Variants in MNAT1 observed in about 807,000 individuals in gnomAD.
The protein encoded by MNAT1 is MNAT1 component of CDK activating kinase, also known as CDK-activating kinase assembly factor MAT1.
MNAT1 carries 43 observed loss-of-function variants against 42.0 expected under a neutral mutation model. The ratio of observed to expected loss-of-function variants is 1.02; its 90% confidence interval spans 0.80 to 1.32. MNAT1 has a LOEUF of 1.32. MNAT1 is among the 40% of genes most tolerant of loss of function. MNAT1 has a pLI of 0.00. For synonymous variants in MNAT1, 118 were observed against 120.0 expected (o/e 0.98, Z 0.11); for missense variants, 306 against 350.4 (o/e 0.87, Z 1.01).
chr14:60,798,306 A>C (rs1184925602), intron 3 of MNAT1, 146 bp downstream of exon 3: 9 of 505,592 alleles, frequency 1.8e-5, no homozygotes, highest in Non-Finnish European at 3.3e-5. Flanking sequence ...TTTGCACTTG[A>C]GTCATGTTTG....
intron 6 of MNAT1, among the ~76,000 whole-genome samples, chr14:60,847,642 C>A (rs903045650): frequency 6.6e-6 from 1 of 151,872 alleles, no homozygotes; most frequent in African/African-American, 2.4e-5. Context: ...TCTTCTCTTC[C>A]TCATTTATTG....
intron 7 of MNAT1, among the ~76,000 whole-genome samples, chr14:60,956,723 T>A (rs1369811026): frequency 6.6e-6 from 1 of 152,252 alleles, no homozygotes; most frequent in Non-Finnish European, 1.5e-5. Context: ...ATCCTCTTGA[T>A]TAATTGATCC....
At chr14:60,914,494 GTTATTTT>G (rs2035468446) in intron 7 of MNAT1, among the ~76,000 whole-genome samples, 1 of 151,818 alleles carries the variant, frequency 6.6e-6, no homozygotes, top group African/African-American at 2.4e-5. Flanking sequence ...TGTCTGGATT[GTTATTTT>G]TAATTTCATG....
intron 6 of MNAT1, among the ~76,000 whole-genome samples, chr14:60,827,620 T>C (rs1407571785): frequency 6.6e-6 from 1 of 152,206 alleles, no homozygotes; most frequent in Non-Finnish European, 1.5e-5. Flanking sequence ...CTTGACCAGG[T>C]GTTATTAATT....
At chr14:60,874,856 A>T (rs1207088938) in intron 6 of MNAT1, among the ~76,000 whole-genome samples, 1 of 152,092 alleles carries the variant, frequency 6.6e-6, no homozygotes, top group East Asian at 1.9e-4. Context: ...ATACTTTCTC[A>T]TGTGACCTGT....
At chr14:60,738,026 T>G (rs935246533) in intron 1 of MNAT1, among the ~76,000 whole-genome samples, 9 of 148,786 alleles carry the variant, frequency 6.0e-5, no homozygotes, top group African/African-American at 2.2e-4. Context: ...TTTTTTTGTA[T>G]TTTTAGTAGA....
chr14:60,907,649 G>A (rs1406881529), intron 7 of MNAT1, among the ~76,000 whole-genome samples: 2 of 151,482 alleles, frequency 1.3e-5, no homozygotes, highest in Admixed American at 6.6e-5. Flanking sequence ...GGGCATGGTG[G>A]TGTATGCCTG....
intron 7 of MNAT1, among the ~76,000 whole-genome samples, chr14:60,885,098 G>C (rs1233989336): frequency 6.6e-6 from 1 of 151,582 alleles, no homozygotes. Context: ...TTGTCTTTCT[G>C]CTTGTAGAAT....
In MNAT1 at chr14:60,906,983, G is replaced by A. The variant is rs4151348; in HGVS notation, c.809+27148G>A. On this transcript the variant is annotated intron_variant, in intron 7 of 7. Coordinates refer to ENST00000261245, the MANE Select transcript of MNAT1 (RefSeq NM_002431.4). ...ACCTTTCCACCCCCCAACCCCAATA[G>A]CCACAAACTTAGCTATATTTAGCCT... 1.4e-3 allele frequency among the ~76,000 whole-genome samples: 211 copies of A among 152,100 alleles called. 1 individual carries two copies. The highest frequency in any genetic ancestry group is 4.9e-3 in the African/African-American group (204 of 41,490).
chr14:60,853,434 G>A (rs2033874899), intron 6 of MNAT1, among the ~76,000 whole-genome samples: 1 of 152,094 alleles, frequency 6.6e-6, no homozygotes, highest in Admixed American at 6.6e-5. Context: ...ATCAGCTTAA[G>A]GAGTTTTTGG....
intron 7 of MNAT1, among the ~76,000 whole-genome samples, chr14:60,918,398 C>T (rs1032781709): frequency 6.0e-5 from 9 of 150,414 alleles, no homozygotes; most frequent in Admixed American, 4.6e-4. Context: ...TTAGTAGAGA[C>T]GGGGTTTCAC....
At chr14:60,748,064 C>CT (rs1240430793) in intron 1 of MNAT1, among the ~76,000 whole-genome samples, 1 of 152,056 alleles carries the variant, frequency 6.6e-6, no homozygotes, top group African/African-American at 2.4e-5. Flanking sequence ...AGTGTGGTGG[C>CT]ACCCACCTGT....
At chr14:60,819,747 C>T (rs1241577182) in intron 6 of MNAT1, among the ~76,000 whole-genome samples, 1 of 152,124 alleles carries the variant, frequency 6.6e-6, no homozygotes, top group Non-Finnish European at 1.5e-5. Flanking sequence ...GACCTGAGTT[C>T]AACTCTCAAC....
chr14:60,748,153 C>T (rs950446585), intron 1 of MNAT1, among the ~76,000 whole-genome samples: 12 of 151,520 alleles, frequency 7.9e-5, no homozygotes, highest in Non-Finnish European at 1.8e-4. Context: ...GCTAAAATTG[C>T]GCTACTGCAC....
intron 1 of MNAT1, among the ~76,000 whole-genome samples, chr14:60,762,111 CA>C: frequency 6.6e-6 from 1 of 152,214 alleles, no homozygotes; most frequent in Admixed American, 6.5e-5. Context: ...CCTATTACAT[CA>C]ATCATCTGCT....
chr14:60,825,404 T>C (rs773368764), intron 6 of MNAT1, among the ~76,000 whole-genome samples: 2 of 152,182 alleles, frequency 1.3e-5, no homozygotes, highest in Non-Finnish European at 2.9e-5. Flanking sequence ...TTATAGTCTT[T>C]AGAAAAATCA....
intron 5 of MNAT1, among the ~76,000 whole-genome samples, chr14:60,815,457 C>T (rs2032682837): frequency 2.0e-5 from 3 of 152,130 alleles, no homozygotes; most frequent in Admixed American, 2.0e-4. Flanking sequence ...CCTTGTGATC[C>T]ACCCGCCTTG....
chr14:60,858,529 T>C (rs1451104870), intron 6 of MNAT1, among the ~76,000 whole-genome samples: 1 of 152,188 alleles, frequency 6.6e-6, no homozygotes, highest in Admixed American at 6.5e-5. Flanking sequence ...GGTTGCCTGT[T>C]CACTCTGCAG....
chr14:60,774,556 A>G (rs1323045988), intron 1 of MNAT1, among the ~76,000 whole-genome samples: 4 of 152,210 alleles, frequency 2.6e-5, no homozygotes, highest in African/African-American at 7.2e-5. Flanking sequence ...TAGAGACTAC[A>G]TTTGGAGGAA....
Sources: allele counts gnomAD v4.1 joint callset (sites outside exome capture counted in the v4.1 genomes callset), GRCh38; gene constraint gnomAD v4.1.1; transcripts MANE v1.5; gene names NCBI Gene and HGNC (gene_info 2026-07-23, HGNC 2026-07-21).